The following HEMK2 variants were observed in gnomAD, a reference collection of about 807,000 sequenced individuals.
HEMK2 encodes the protein HemK methyltransferase 2, ETF1 glutamine and histone H4 lysine.
chr21:28,732,077 C>T, the HEMK2 span, among the ~76,000 whole-genome samples: 1 of 152,200 alleles, frequency 6.6e-6, no homozygotes, highest in Non-Finnish European at 1.5e-5. Flanking sequence ...CCTCTCCTGC[C>T]GTTTTGTTCT....
At chr21:28,603,623 A>G in the HEMK2 span, among the ~76,000 whole-genome samples, 1 of 149,844 alleles carries the variant, frequency 6.7e-6, no homozygotes, top group East Asian at 2.0e-4. Flanking sequence ...AGTAACATAA[A>G]ACCTTTGAAT....
the HEMK2 span, among the ~76,000 whole-genome samples, chr21:28,691,184 T>C: frequency 2.0e-5 from 3 of 152,316 alleles, no homozygotes; most frequent in South Asian, 6.2e-4. Context: ...TTCATTGGAA[T>C]ACTCTTGTTA....
the HEMK2 span, among the ~76,000 whole-genome samples, chr21:28,862,789 C>T: frequency 6.6e-6 from 1 of 152,166 alleles, no homozygotes; most frequent in African/African-American, 2.4e-5. Context: ...AAGAAAATAT[C>T]TTCATTTTAT....
the HEMK2 span, among the ~76,000 whole-genome samples, chr21:28,850,418 G>A: frequency 1.3e-5 from 2 of 151,834 alleles, no homozygotes; most frequent in Non-Finnish European, 2.9e-5. Context: ...TAGAGACGGG[G>A]TTTCACCGTG....
chr21:28,632,572 G>A, the HEMK2 span, among the ~76,000 whole-genome samples: 1 of 152,180 alleles, frequency 6.6e-6, no homozygotes, highest in Admixed American at 6.5e-5. Flanking sequence ...AAGTGTTAGA[G>A]AGCAGTCACA....
the HEMK2 span, among the ~76,000 whole-genome samples, chr21:28,585,630 A>C: frequency 3.2e-4 from 48 of 152,314 alleles, no homozygotes; most frequent in African/African-American, 1.0e-3. Flanking sequence ...CAGATTACAC[A>C]AAGTTAGAAA....
chr21:28,716,238 T>C, the HEMK2 span, among the ~76,000 whole-genome samples: 1 of 152,208 alleles, frequency 6.6e-6, no homozygotes, highest in Non-Finnish European at 1.5e-5. Flanking sequence ...ATGGCTGTTT[T>C]ACTAATAATC....
chr21:28,834,764 A>G, the HEMK2 span, among the ~76,000 whole-genome samples: 1 of 152,134 alleles, frequency 6.6e-6, no homozygotes, highest in African/African-American at 2.4e-5. Flanking sequence ...TCAAACCCAT[A>G]TTGCTCTCCA....
the HEMK2 span, among the ~76,000 whole-genome samples, chr21:28,690,558 A>G: frequency 1.3e-5 from 2 of 152,130 alleles, no homozygotes; most frequent in East Asian, 3.9e-4. Flanking sequence ...ATAATAGAGA[A>G]CGAATACAAT....
At chr21:28,646,334 C>A in the HEMK2 span, among the ~76,000 whole-genome samples, 27 of 152,236 alleles carry the variant, frequency 1.8e-4, no homozygotes, top group Non-Finnish European at 3.7e-4. Context: ...GGACACCATG[C>A]CCTATCCCTG....
the HEMK2 span, among the ~76,000 whole-genome samples, chr21:28,790,043 A>G: frequency 6.6e-6 from 1 of 152,234 alleles, no homozygotes; most frequent in African/African-American, 2.4e-5. Flanking sequence ...TTTTTAACGT[A>G]GTGTTTCCAT....
the HEMK2 span, among the ~76,000 whole-genome samples, chr21:28,862,703 G>A: frequency 6.6e-6 from 1 of 151,364 alleles, no homozygotes; most frequent in African/African-American, 2.4e-5. Context: ...ACCAACTGCA[G>A]AAAGAAGGAC....
the HEMK2 span, among the ~76,000 whole-genome samples, chr21:28,643,917 G>T: frequency 9.8e-5 from 15 of 152,312 alleles, no homozygotes; most frequent in South Asian, 3.1e-3. Context: ...ATGTTCTAAG[G>T]CTTCATCTTC....
chr21:28,822,472 G>T, the HEMK2 span, among the ~76,000 whole-genome samples: 1 of 151,528 alleles, frequency 6.6e-6, no homozygotes, highest in Non-Finnish European at 1.5e-5. Flanking sequence ...GAGACCAATT[G>T]CAACAAAAAA....
At chr21:28,863,702 C>T in the HEMK2 span, among the ~76,000 whole-genome samples, 1 of 151,802 alleles carries the variant, frequency 6.6e-6, no homozygotes, top group African/African-American at 2.4e-5. Flanking sequence ...ATTAAGAGAC[C>T]ACCAAGGAGA....
the HEMK2 span, among the ~76,000 whole-genome samples, chr21:28,756,906 TC>T: frequency 6.6e-6 from 1 of 152,262 alleles, no homozygotes; most frequent in Non-Finnish European, 1.5e-5. Context: ...ATTGATGTAA[TC>T]AATGCTATTT....
the HEMK2 span, among the ~76,000 whole-genome samples, chr21:28,622,659 G>A: frequency 6.6e-6 from 1 of 151,970 alleles, no homozygotes; most frequent in Non-Finnish European, 1.5e-5. Context: ...CAGAACAGAG[G>A]CCTCAGAAAT....
the HEMK2 span, among the ~76,000 whole-genome samples, chr21:28,639,238 A>G: frequency 4.6e-5 from 7 of 152,376 alleles, no homozygotes; most frequent in East Asian, 1.3e-3. Context: ...TAGTTTGACC[A>G]AAAGAAAGAT....
chr21:28,781,698 C>A, the HEMK2 span, among the ~76,000 whole-genome samples: 9 of 152,182 alleles, frequency 5.9e-5, no homozygotes, highest in Non-Finnish European at 1.2e-4. Context: ...GTATTACCAA[C>A]CAGGGAAGCT....
Sources: gnomAD v4.1 joint callset for allele counts (sites outside exome capture counted in the v4.1 genomes callset) on GRCh38, gnomAD v4.1.1 for gene constraint, MANE v1.5 for transcripts, NCBI Gene and HGNC (gene_info 2026-07-23, HGNC 2026-07-21) for gene names.